Variants in PCNX1 observed in about 807,000 individuals in gnomAD.
PCNX1 encodes pecanex-like protein 1.
A neutral mutation model predicts 242.2 loss-of-function variants in PCNX1; 78 were observed. That is an observed-to-expected ratio of 0.32 (90% CI 0.27 to 0.39). The LOEUF is 0.39. PCNX1 is among the 10% of genes least tolerant of loss of function. The pLI is 1.00. For missense variants in PCNX1, 2,581 were observed against 2,856.5 expected, an observed-to-expected ratio of 0.90 and a Z score of 2.20; for synonymous variants, 1,024 against 1,032.9, an observed-to-expected ratio of 0.99 and a Z score of 0.17.
In PCNX1 at chr14:71,016,990, G is replaced by GA. The variant is rs1487248819; in HGVS notation, c.2997-2012dup. Among the ~76,000 whole-genome samples, 7 of 152,046 alleles carry GA rather than the reference G, an allele frequency of 4.6e-5. No individual in the cohort carries two copies. The East Asian group carries it at 9.6e-4, about 21-fold the overall frequency. On this transcript the variant is annotated intron_variant, in intron 11 of 35. Transcript: ENST00000304743. ...GCTAAACCTTTAGCCAGCCTGATCA[G>GA]AAAAAAACAAAAGAAGAGGAAAGAC...
chr14:70,940,037 G>A (rs1333031084), intron 1 of PCNX1, among the ~76,000 whole-genome samples: 4 of 152,004 alleles, frequency 2.6e-5, no homozygotes, highest in Non-Finnish European at 5.9e-5. Context: ...ACATGAGATG[G>A]GTCTCCTGAA....
At chr14:71,032,090 A>G (rs2060402756) in intron 16 of PCNX1, 1 of 625,214 alleles carries the variant, frequency 1.6e-6, no homozygotes. Flanking sequence ...AAGTTTCCTC[A>G]TGCTGAGAAA....
At chr14:70,933,154 G>C (rs1324997616) in intron 1 of PCNX1, among the ~76,000 whole-genome samples, 3 of 152,202 alleles carry the variant, frequency 2.0e-5, no homozygotes, top group Non-Finnish European at 2.9e-5. Flanking sequence ...TGCCACTGTT[G>C]AATGTGCCTT....
intron 22 of PCNX1, among the ~76,000 whole-genome samples, chr14:71,049,591 T>C (rs1677619724): frequency 1.3e-5 from 2 of 152,204 alleles, no homozygotes; most frequent in Admixed American, 1.3e-4. Context: ...TGCTTTTAAG[T>C]CATTATAATG....
intron 28 of PCNX1, 113 bp from the exon 29 acceptor site, chr14:71,088,217 T>C: frequency 1.9e-6 from 1 of 536,698 alleles, no homozygotes; most frequent in Non-Finnish European, 3.3e-6. Context: ...TTTGAGGAGA[T>C]AGAAATTATG....
Position 71,115,294 on chromosome 14 carries a change from G to C in PCNX1, c.*5359G>C, listed in dbSNP as rs1204079994. The C allele has an allele frequency of 6.6e-6, 1 of 152,570 alleles. No individual in the cohort carries two copies. The highest frequency in any genetic ancestry group is 1.5e-5 in the Non-Finnish European group (1 of 68,006). The allele number at this position is 152,570 out of a possible 1,614,324, so 9.5% of individuals were successfully genotyped here. ...TAGTTGTTTAAAATGGAAAATAAAA[G>C]CTGAGTTCTTTTGGCAAATATATTG... On this transcript the variant is annotated 3_prime_UTR_variant, in exon 36 of 36. Coordinates refer to ENST00000304743, the MANE Select transcript of PCNX1 (RefSeq NM_014982.3).
chr14:71,041,253 C>G (rs2060694792), intron 19 of PCNX1, among the ~76,000 whole-genome samples: 1 of 152,122 alleles, frequency 6.6e-6, no homozygotes, highest in Non-Finnish European at 1.5e-5. Flanking sequence ...AACTTCCAAA[C>G]TGTTCTCCGT....
intron 16 of PCNX1, among the ~76,000 whole-genome samples, chr14:71,030,513 A>G (rs951279133): frequency 3.3e-5 from 5 of 152,104 alleles, no homozygotes; most frequent in African/African-American, 1.2e-4. Context: ...TATGCCTGCC[A>G]TTTGCACGGA....
Position 71,026,299 on chromosome 14 carries a change from T to G in PCNX1, c.3355+11T>G, listed in dbSNP as rs763962577. Reference sequence around the variant, plus strand: ...GGGATTTAGTTATAGGTGAGTCATCTTAAAGTATCTCTAATCTTAAAATTA... The same window carrying G: ...GGGATTTAGTTATAGGTGAGTCATCGTAAAGTATCTCTAATCTTAAAATTA... On this transcript the variant is annotated intron_variant, in intron 14 of 35. Transcript: ENST00000304743. The G allele has an allele frequency of 4.7e-6, 7 of 1,500,606 alleles. No individual in the cohort carries two copies. The highest frequency in any genetic ancestry group is 6.4e-6 in the Non-Finnish European group (7 of 1,099,886). The allele number at this position is 1,500,606 out of a possible 1,614,324, so 93.0% of individuals were successfully genotyped here. A position where few individuals can be genotyped will look rare whatever the true frequency, so the allele number is the denominator to read the frequency against.
intron 28 of PCNX1, among the ~76,000 whole-genome samples, chr14:71,080,615 T>C (rs1595458540): frequency 6.6e-6 from 1 of 152,318 alleles, no homozygotes; most frequent in East Asian, 1.9e-4. Context: ...TTCCTAGGTA[T>C]TTTATTCTCT....
chr14:71,041,091 G>C (rs1308998357), intron 19 of PCNX1, among the ~76,000 whole-genome samples: 1 of 152,098 alleles, frequency 6.6e-6, no homozygotes, highest in Non-Finnish European at 1.5e-5. Context: ...TGGACGCTTA[G>C]GTTGCCTCCA....
At chr14:71,103,275 C>G (rs987217070) in intron 31 of PCNX1, 120 bp from the exon 32 acceptor site, 36 of 1,108,206 alleles carry the variant, frequency 3.2e-5, no homozygotes, top group South Asian at 4.5e-5. Flanking sequence ...TATATTTGTT[C>G]CCCGCTTTTC....
intron 6 of PCNX1, among the ~76,000 whole-genome samples, chr14:70,987,819 A>AGTACAAACATTTTTGCTTGTTT (rs1032712333): frequency 6.6e-6 from 1 of 152,222 alleles, no homozygotes; most frequent in Non-Finnish European, 1.5e-5. Context: ...CAAACAATAA[A>AGTACAAACATTTTTGCTTGTTT]GTACAAACAT....
chr14:70,965,368 A>G (rs1160861199), intron 3 of PCNX1: 1 of 152,214 alleles, frequency 6.6e-6, no homozygotes, highest in Non-Finnish European at 1.5e-5. Context: ...AAGATGTGAT[A>G]TATGTTACCA....
chr14:70,939,788 G>A (rs1024245178), intron 1 of PCNX1, among the ~76,000 whole-genome samples: 5 of 152,108 alleles, frequency 3.3e-5, no homozygotes, highest in African/African-American at 1.2e-4. Context: ...GTCTCTAAGA[G>A]CTTGCTTTAT....
chr14:70,996,537 TATC>T (rs1334808854), intron 8 of PCNX1, among the ~76,000 whole-genome samples: 1 of 152,170 alleles, frequency 6.6e-6, no homozygotes, highest in Non-Finnish European at 1.5e-5. Context: ...AGAAGTGTGA[TATC>T]ATTAAACATC....
At chr14:71,056,985 CTTTT>C (rs1037037938) in intron 25 of PCNX1, among the ~76,000 whole-genome samples, 1 of 152,010 alleles carries the variant, frequency 6.6e-6, no homozygotes, top group Non-Finnish European at 1.5e-5. Flanking sequence ...ATCTTAATGT[CTTTT>C]TTTAAGGTTC....
chr14:71,069,947 C>T (rs972541786), intron 26 of PCNX1, among the ~76,000 whole-genome samples: 12 of 152,088 alleles, frequency 7.9e-5, no homozygotes, highest in African/African-American at 2.7e-4. Flanking sequence ...TAGCATTTGC[C>T]CATAGTATGA....
chr14:71,015,960 A>G (rs1021835232), intron 11 of PCNX1, among the ~76,000 whole-genome samples: 4 of 152,180 alleles, frequency 2.6e-5, no homozygotes, highest in African/African-American at 4.8e-5. Context: ...TGGGAGTCTG[A>G]GGTGGGAGGA....
Sources: allele counts gnomAD v4.1 joint callset (sites outside exome capture counted in the v4.1 genomes callset), GRCh38; gene constraint gnomAD v4.1.1; transcripts MANE v1.5; gene names NCBI Gene and HGNC (gene_info 2026-07-23, HGNC 2026-07-21).